The following CELF5 variants were observed in gnomAD, a reference collection of about 807,000 sequenced individuals.
CELF5 encodes the protein CUG-BP and ETR-3 like factor 5.
A neutral mutation model predicts 54.9 loss-of-function variants in CELF5; 6 were observed. That is an observed-to-expected ratio of 0.11 (90% CI 0.06 to 0.22). The LOEUF (loss-of-function observed/expected upper bound fraction) is 0.22. CELF5 is among the 10% of genes least tolerant of loss of function. The pLI is 1.00. For synonymous variants in CELF5, 271 were observed against 290.9 expected (o/e 0.93, Z 0.70); for missense variants, 401 against 678.6 (o/e 0.59, Z 4.54).
In CELF5 at chr19:3,278,693, G is replaced by A. The variant is rs1445057015; in HGVS notation, c.603+583G>A. Among the ~76,000 whole-genome samples, 7 of 150,612 alleles carry A rather than the reference G, an allele frequency of 4.6e-5. No individual in the cohort carries two copies. The highest frequency in any genetic ancestry group is 1.7e-4 in the African/African-American group (7 of 40,260). On this transcript the variant is annotated intron_variant, in intron 5 of 12. Transcript: ENST00000292672. This position sits in a 1 kb window ranked among gnomAD's most constrained non-coding sequence, Gnocchi z 4.5. ...TGTGGGCAGGTTTGTGTGTGTGTGTGTGTGTGTTTGTGTGTGTGCATGACT... is the reference window on the plus strand; with the variant it reads ...TGTGGGCAGGTTTGTGTGTGTGTGTATGTGTGTTTGTGTGTGTGCATGACT...
intron 1 of CELF5, among the ~76,000 whole-genome samples, chr19:3,230,077 C>T (rs566299471): frequency 7.9e-4 from 118 of 149,318 alleles, no homozygotes; most frequent in African/African-American, 2.8e-3. Context: ...TAGGACCACA[C>T]TCATTCATTC....
intron 10 of CELF5, 66 bp downstream of exon 10, chr19:3,286,091 C>T: frequency 2.9e-6 from 4 of 1,360,888 alleles, no homozygotes; most frequent in Non-Finnish European, 2.9e-6. Context: ...CACCTGCAGG[C>T]TCCGTGTCTG....
At chr19:3,293,622 G>C (rs990829591) in intron 12 of CELF5, 136 bp downstream of exon 12, 9 of 736,444 alleles carry the variant, frequency 1.2e-5, no homozygotes, top group Middle Eastern at 7.3e-4. Flanking sequence ...CTCCGGGTTG[G>C]GTTGGCGGGG....
intron 2 of CELF5, among the ~76,000 whole-genome samples, chr19:3,258,817 C>G (rs1195721517): frequency 6.6e-6 from 1 of 151,962 alleles, no homozygotes; most frequent in Non-Finnish European, 1.5e-5. Context: ...TGCTATGTTG[C>G]CCAGACTGGT....
At chr19:3,248,906 C>T (rs867556942) in intron 1 of CELF5, among the ~76,000 whole-genome samples, 30 of 113,478 alleles carry the variant, frequency 2.6e-4, no homozygotes, top group African/African-American at 8.6e-4. Flanking sequence ...TCCTTCCTTC[C>T]TTTCTTTCTT....
rs1255951908 is a variant in CELF5, at chr19:3,282,337, T to C, written c.893-15T>C. On this transcript the variant is annotated splice_polypyrimidine_tract_variant and intron_variant, in intron 7 of 12. Transcript: ENST00000292672. This position sits in a 1 kb window ranked among gnomAD's most constrained non-coding sequence, Gnocchi z 5.2. ...GCCAGAACTGGCCTCCCCATGACCCTCTTCCGCTCTGCAGGGCTGCACTCA... is the reference window on the plus strand; with the variant it reads ...GCCAGAACTGGCCTCCCCATGACCCCCTTCCGCTCTGCAGGGCTGCACTCA... 1.2e-6 allele frequency: 2 copies of C among 1,608,410 alleles called. No individual in the cohort carries two copies. The highest frequency in any genetic ancestry group is 2.7e-5 in the African/African-American group (2 of 74,930).
At chr19:3,232,930 C>T (rs982778367) in intron 1 of CELF5, among the ~76,000 whole-genome samples, 8 of 151,796 alleles carry the variant, frequency 5.3e-5, no homozygotes, top group African/African-American at 9.7e-5. Context: ...CAAAATTAGC[C>T]GGGTGTGGTG....
At chr19:3,270,914 C>T (rs954195888) in intron 2 of CELF5, among the ~76,000 whole-genome samples, 1 of 151,970 alleles carries the variant, frequency 6.6e-6, no homozygotes, top group Non-Finnish European at 1.5e-5. Context: ...CACCAGCCCC[C>T]CAACCCCAGA....
intron 2 of CELF5, among the ~76,000 whole-genome samples, chr19:3,264,770 G>A (rs1489608140): frequency 2.7e-5 from 4 of 150,606 alleles, no homozygotes; most frequent in Admixed American, 2.0e-4. Flanking sequence ...AGGCCAGAGT[G>A]CAGTAGCGTG....
chr19:3,267,483 G>A (rs2145203302), intron 2 of CELF5, among the ~76,000 whole-genome samples: 1 of 152,312 alleles, frequency 6.6e-6, no homozygotes, highest in South Asian at 2.1e-4. Context: ...CACAGCCCCG[G>A]ACACCACTTC....
chr19:3,251,222 A>G (rs1215429962), intron 2 of CELF5, among the ~76,000 whole-genome samples, 155 bp downstream of exon 2: 2 of 152,030 alleles, frequency 1.3e-5, no homozygotes, highest in Admixed American at 1.3e-4. Context: ...TCATCATAAT[A>G]GTGTGCATTT....
At chr19:3,295,359 A>G (rs975766172) in intron 12 of CELF5, 1 of 151,982 alleles carries the variant, frequency 6.6e-6, no homozygotes, top group South Asian at 2.1e-4. Flanking sequence ...CTATATATAT[A>G]TATATGCATA....
intron 12 of CELF5, chr19:3,296,434 G>GAAAAAAAAAAAAAAAAAAAAAAAAA (rs5826810): frequency 6.9e-4 from 38 of 54,862 alleles, no homozygotes; most frequent in East Asian, 3.8e-3. Context: ...AAACCACACA[G>GAAAAAAAAAAAAAAAAAAAAAAAAA]AAAAAAAAAA....
At chr19:3,242,715 A>G (rs545770602) in intron 1 of CELF5, among the ~76,000 whole-genome samples, 1 of 152,116 alleles carries the variant, frequency 6.6e-6, no homozygotes, top group Non-Finnish European at 1.5e-5. Flanking sequence ...CTGAGGCAGG[A>G]GAATCGCTTG....
chr19:3,228,978 C>T lies in CELF5; in HGVS notation c.259+3980C>T, dbSNP rs956689410. ...GCTGTGTGGCTTCAAGCTGAGCGCGCCCCTCTCTGTGCCTCGTTTTCCCCT... is the reference window on the plus strand; with the variant it reads ...GCTGTGTGGCTTCAAGCTGAGCGCGTCCCTCTCTGTGCCTCGTTTTCCCCT... On this transcript the variant is annotated intron_variant, in intron 1 of 12. Transcript: ENST00000292672. The surrounding 1 kb of genome is among the most constrained non-coding windows in gnomAD (Gnocchi z 6.0). Among the ~76,000 whole-genome samples the T allele has an allele frequency of 3.3e-5, 5 of 151,852 alleles. No individual in the cohort carries two copies. The highest frequency in any genetic ancestry group is 2.6e-4 in the Admixed American group (4 of 15,242).
intron 1 of CELF5, among the ~76,000 whole-genome samples, chr19:3,241,599 G>A (rs1054751468): frequency 6.6e-6 from 1 of 152,044 alleles, no homozygotes; most frequent in African/African-American, 2.4e-5. Flanking sequence ...GGGACACGGT[G>A]AGAGGCTCAC....
chr19:3,229,154 T>G (rs77589659), intron 1 of CELF5, among the ~76,000 whole-genome samples: 3,312 of 139,200 alleles, frequency 0.024, 128 homozygotes, highest in African/African-American at 0.084. Context: ...CCAGCATTTA[T>G]GCAGAGCTGG....
In CELF5 at chr19:3,268,652, G is replaced by A. The variant is rs1206261691; in HGVS notation, c.343-5220G>A. ...CTGTCATTTGTGGACCCTGGGCTAA[G>A]GGTCTTGGTGGGGAACGGAGGGTCA... On this transcript the variant is annotated intron_variant, in intron 2 of 12. Transcript: ENST00000292672. The surrounding 1 kb of genome is among the most constrained non-coding windows in gnomAD (Gnocchi z 4.4). Among the ~76,000 whole-genome samples the A allele has an allele frequency of 6.6e-6, 1 of 152,190 alleles. No homozygotes were observed. Among genetic ancestry groups the A allele is most frequent in the African/African-American group, 2.4e-5 (1 of 41,440 alleles).
chr19:3,225,048 C>G, intron 1 of CELF5, 50 bp downstream of exon 1: 1 of 1,288,982 alleles, frequency 7.8e-7, no homozygotes, highest in East Asian at 2.9e-5. Flanking sequence ...GCCTCCCACC[C>G]CACCTTCCGG....
Sources: gnomAD v4.1 joint callset for allele counts (sites outside exome capture counted in the v4.1 genomes callset) on GRCh38, gnomAD v4.1.1 for gene constraint, Gnocchi (gnomAD v3.1) non-coding constraint, MANE v1.5 for transcripts, NCBI Gene and HGNC (gene_info 2026-07-23, HGNC 2026-07-21) for gene names.